Variants in FAM229B observed in about 807,000 individuals in gnomAD.
FAM229B encodes protein FAM229B.
A neutral mutation model predicts 6.7 loss-of-function variants in FAM229B; 2 were observed. The ratio of observed to expected loss-of-function variants is 0.30; its 90% CI spans 0.12 to 0.94. The LOEUF is 0.94. Among genes scored for constraint, FAM229B ranks in the 40% least tolerant of loss-of-function variants. FAM229B has a pLI of 0.54. For synonymous variants in FAM229B, 29 were observed against 34.0 expected (o/e 0.85, Z 0.51); for missense variants, 93 against 96.2 (o/e 0.97, Z 0.14).
chr6:112,100,656 G>A lies in FAM229B; in HGVS notation c.126-14G>A. Reference sequence around the variant, plus strand: ...TTTAGTATCTAACTACATGTCATCTGCTTTTTTATTCAGGCAACTCCGGAG... The same window carrying A: ...TTTAGTATCTAACTACATGTCATCTACTTTTTTATTCAGGCAACTCCGGAG... On this transcript the variant is annotated splice_polypyrimidine_tract_variant and intron_variant, in intron 3 of 3. Transcript: ENST00000368656. 6.3e-7 allele frequency: 1 copy of A among 1,580,112 alleles called. No homozygotes were observed. The highest frequency in any genetic ancestry group is 8.7e-7 in the Non-Finnish European group (1 of 1,150,040).
rs1554319322 is a variant in FAM229B at position 112,101,798 on chromosome 6, A to T, written c.*1011A>T. The T allele has an allele frequency of 6.6e-6, 1 of 152,192 alleles. No homozygotes were observed. The highest frequency in any genetic ancestry group is 6.5e-5 in the Admixed American group (1 of 15,280). 9.4% of individuals were successfully genotyped at this position (152,192 alleles called of 1,614,324 possible). On this transcript the variant is annotated 3_prime_UTR_variant, in exon 4 of 4. Coordinates refer to ENST00000368656, the MANE Select transcript of FAM229B (RefSeq NM_001033564.3). ...AGTTTATTAACTTATAATTAAATAG[A>T]CGTAGATGCATATGTGTTGCATTAG...
chr6:112,091,002 A>G (rs1195402081), intron 1 of FAM229B, among the ~76,000 whole-genome samples: 2 of 150,560 alleles, frequency 1.3e-5, no homozygotes, highest in African/African-American at 5.0e-5. Flanking sequence ...TCTGATCTCT[A>G]TCCCTGTCCC....
intron 1 of FAM229B, among the ~76,000 whole-genome samples, chr6:112,089,990 G>T (rs782552836): frequency 5.9e-5 from 9 of 152,274 alleles, no homozygotes; most frequent in East Asian, 3.9e-4. Flanking sequence ...AATAAAGAGA[G>T]AATTTTTTAG....
intron 1 of FAM229B, among the ~76,000 whole-genome samples, chr6:112,096,445 A>G (rs1554318660): frequency 6.7e-6 from 1 of 149,640 alleles, no homozygotes; most frequent in African/African-American, 2.5e-5. Context: ...AGTCCCAGCT[A>G]CTTGGGAGGC....
chr6:112,087,978 C>T (rs1756196503), intron 1 of FAM229B, among the ~76,000 whole-genome samples: 2 of 152,162 alleles, frequency 1.3e-5, no homozygotes, highest in African/African-American at 4.8e-5. Flanking sequence ...GATGGTTATA[C>T]GCTTTGACAA....
chr6:112,092,634 A>G lies in FAM229B; in HGVS notation c.-175-4407A>G, dbSNP rs587606544. Among the ~76,000 whole-genome samples the G allele has an allele frequency of 5.8e-4, 89 of 152,214 alleles. 4 individuals carry two copies. The South Asian group carries it at 0.017, about 28-fold the overall frequency. On this transcript the variant is annotated intron_variant, in intron 1 of 3. Transcript: ENST00000368656. ...AGCACTGAAAATGATAAAAATGTAG[A>G]TGAATATAGAAGGCATCTCTTGTTT...
rs782605574 is a variant in FAM229B at position 112,099,399 on chromosome 6, C to T, written c.116C>T (p.Ser39Leu). Residue 39 changes from serine to leucine, a missense_variant, in exon 3 of 4, where the codon TCA (serine) becomes TTA (leucine). Coordinates refer to ENST00000368656, the MANE Select transcript of FAM229B (RefSeq NM_001033564.3). ...GCTGCCTGTAATGGGAAGGAGATGT[C>T]ACCAACCAGGTAAAGTCTTCTGTCC... ...SSAACNGKEMSPTRQLRRCPG... is the reference protein window; with the variant it reads ...SSAACNGKEMLPTRQLRRCPG... 4 of 1,613,010 alleles carry T rather than the reference C, an allele frequency of 2.5e-6. No individual in the cohort carries two copies. Among genetic ancestry groups the T allele is most frequent in the Admixed American group, 1.7e-5 (1 of 59,832 alleles).
At chr6:112,088,311 G>A (rs1249387721) in intron 1 of FAM229B, among the ~76,000 whole-genome samples, 10 of 152,156 alleles carry the variant, frequency 6.6e-5, no homozygotes, top group Admixed American at 1.3e-4. Context: ...TAGGCATTAT[G>A]ACAATTACCA....
chr6:112,099,327 A>G lies in FAM229B; in HGVS notation c.44A>G (p.Glu15Gly). ...FGTQPRRFPV[E>G]GGDSSIELEP... ...ACCCAGCCAAGGAGGTTTCCAGTGGAAGGAGGAGATTCTTCAATTGAGCTG... is the reference window on the plus strand; with the variant it reads ...ACCCAGCCAAGGAGGTTTCCAGTGGGAGGAGGAGATTCTTCAATTGAGCTG... The change falls in exon 3 of 4, where the codon GAA becomes GGA. Residue 15 changes from glutamate (E) to glycine (G), a missense_variant. Glu to Gly is a moderately conservative substitution (Grantham distance 98). Transcript: ENST00000368656. 1 of 1,613,902 alleles carries G rather than the reference A, an allele frequency of 6.2e-7. No homozygotes were observed. Among genetic ancestry groups the G allele is most frequent in the Non-Finnish European group, 8.5e-7 (1 of 1,179,856 alleles).
chr6:112,095,323 CT>C (rs1346855668), intron 1 of FAM229B, among the ~76,000 whole-genome samples: 6 of 152,022 alleles, frequency 3.9e-5, no homozygotes, highest in African/African-American at 1.4e-4. Context: ...AATCTCAGAG[CT>C]AACATTGTGT....
At position 112,102,427 on chromosome 6, in the gene FAM229B, G is replaced by T. The variant is rs1777410961; in HGVS notation, c.*1640G>T. 1 of 152,226 alleles carries T rather than the reference G, an allele frequency of 6.6e-6. No individual in the cohort carries two copies. Among genetic ancestry groups the T allele is most frequent in the African/African-American group, 2.4e-5 (1 of 41,432 alleles). 9.4% of individuals were successfully genotyped at this position (152,226 alleles called of 1,614,324 possible). On this transcript the variant is annotated 3_prime_UTR_variant, in exon 4 of 4. Transcript: ENST00000368656. ...TTGAACCCAGGAGGCAGAGGTTGCA[G>T]TGAGCTGAGATTGCATCACTGTGCT...
intron 1 of FAM229B, 120 bp from the exon 2 acceptor site, chr6:112,096,921 A>G (rs1466206196): frequency 6.6e-6 from 1 of 152,202 alleles, no homozygotes; most frequent in Non-Finnish European, 1.5e-5. Flanking sequence ...AAATACTAAT[A>G]TTGTAGGGAA....
Position 112,100,842 on chromosome 6 carries a change from C to A in FAM229B, c.*55C>A. ...TAGGTCAAGGGTAATGGACCAGTAT[C>A]ATCTGGTGATCTGGTAAACAAATAA... On this transcript the variant is annotated 3_prime_UTR_variant, in exon 4 of 4. Transcript: ENST00000368656. The A allele has an allele frequency of 8.0e-7, 1 of 1,245,364 alleles. No homozygotes were observed. Among genetic ancestry groups the A allele is most frequent in the Non-Finnish European group, 1.2e-6 (1 of 850,224 alleles). The allele number at this position is 1,245,364 out of a possible 1,614,324, so 77.1% of individuals were successfully genotyped here. A position where few individuals can be genotyped will look rare whatever the true frequency, so the allele number is the denominator to read the frequency against.
rs782820700 is a variant in FAM229B, at chr6:112,099,303, C to G, written c.20C>G (p.Thr7Ser). 2.5e-6 allele frequency: 4 copies of G among 1,613,476 alleles called. No individual in the cohort carries two copies. The Admixed American group carries it at 5.0e-5, about 20-fold the overall frequency. Residue 7 changes from threonine to serine, a missense_variant, in exon 3 of 4, where the codon ACC (threonine) becomes AGC (serine). Physicochemically the swap from Thr to Ser is moderately conservative, Grantham distance 58 (BLOSUM62 1). Coordinates refer to ENST00000368656, the MANE Select transcript of FAM229B (RefSeq NM_001033564.3). MPFQFG[T>S]QPRRFPVEGG... ...TGAAGTATGCCTTTTCAATTTGGAA[C>G]CCAGCCAAGGAGGTTTCCAGTGGAA...
Position 112,087,631 on chromosome 6 carries a change from C to G in FAM229B, c.-265C>G. 1 of 610,740 alleles carries G rather than the reference C, an allele frequency of 1.6e-6. No homozygotes were observed. Among genetic ancestry groups the G allele is most frequent in the Admixed American group, 3.0e-5 (1 of 33,224 alleles). The allele number at this position is 610,740 out of a possible 1,614,324, so 37.8% of individuals were successfully genotyped here. A position where few individuals can be genotyped will look rare whatever the true frequency, so the allele number is the denominator to read the frequency against. ...AAGTGCACTTGCGTGTCACCGTTACCGTAGCGACTGGGCTTCTGGACTGTA... is the reference window on the plus strand; with the variant it reads ...AAGTGCACTTGCGTGTCACCGTTACGGTAGCGACTGGGCTTCTGGACTGTA... On this transcript the variant is annotated 5_prime_UTR_variant, in exon 1 of 4. Coordinates refer to ENST00000368656, the MANE Select transcript of FAM229B (RefSeq NM_001033564.3).
At chr6:112,100,421 T>A (rs942824022) in intron 3 of FAM229B, among the ~76,000 whole-genome samples, 2 of 152,178 alleles carry the variant, frequency 1.3e-5, no homozygotes, top group Non-Finnish European at 2.9e-5. Flanking sequence ...AAAATCAACA[T>A]CCGGAGGATT....
At chr6:112,092,574 TG>T (rs1476524116) in intron 1 of FAM229B, among the ~76,000 whole-genome samples, 9 of 152,070 alleles carry the variant, frequency 5.9e-5, no homozygotes, top group South Asian at 4.1e-4. Context: ...AAAATTATGT[TG>T]TAAGAAAATC....
intron 1 of FAM229B, among the ~76,000 whole-genome samples, chr6:112,096,830 A>C (rs1554318706): frequency 6.6e-6 from 1 of 152,150 alleles, no homozygotes; most frequent in Non-Finnish European, 1.5e-5. Context: ...GGGAATGAGG[A>C]AAACAGGATA....
At chr6:112,089,250 C>T (rs782317722) in intron 1 of FAM229B, among the ~76,000 whole-genome samples, 4 of 151,542 alleles carry the variant, frequency 2.6e-5, no homozygotes, top group Non-Finnish European at 4.4e-5. Flanking sequence ...TATTGGGAAT[C>T]CTATGGACTC....
Sources: allele counts gnomAD v4.1 joint callset (sites outside exome capture counted in the v4.1 genomes callset), GRCh38; gene constraint gnomAD v4.1.1; transcripts MANE v1.5; gene names NCBI Gene and HGNC (gene_info 2026-07-23, HGNC 2026-07-21).